The following UBE2D2 variants were observed in gnomAD, a reference collection of about 807,000 sequenced individuals.
UBE2D2 encodes ubiquitin-conjugating enzyme E2 D2.
Under a neutral mutation model 24.2 loss-of-function variants are expected in UBE2D2, and 2 were observed. The ratio of observed to expected loss-of-function variants is 0.08; its 90% CI spans 0.03 to 0.26. The LOEUF is 0.26. UBE2D2 is among the 10% of genes least tolerant of loss of function. The pLI is 1.00. For synonymous variants in UBE2D2, 58 were observed against 56.5 expected (o/e 1.03, Z -0.12); for missense variants, 44 against 177.6 (o/e 0.25, Z 4.28).
chr5:139,601,693 G>A (rs970913032), intron 2 of UBE2D2, among the ~76,000 whole-genome samples: 2 of 151,782 alleles, frequency 1.3e-5, no homozygotes, highest in African/African-American at 2.4e-5. Context: ...GGCGGATCAC[G>A]AGGTCAGAGT....
At chr5:139,580,677 C>T (rs1288650181) in intron 1 of UBE2D2, among the ~76,000 whole-genome samples, 3 of 152,002 alleles carry the variant, frequency 2.0e-5, no homozygotes, top group Non-Finnish European at 4.4e-5. Flanking sequence ...GATCTCCTGA[C>T]GTCATGATCC....
intron 1 of UBE2D2, among the ~76,000 whole-genome samples, chr5:139,586,673 G>T (rs1753732898): frequency 6.6e-6 from 1 of 152,092 alleles, no homozygotes. Flanking sequence ...GCTGAGGCAG[G>T]AGAATGGCAT....
chr5:139,565,347 A>C (rs1320122153), intron 1 of UBE2D2, among the ~76,000 whole-genome samples: 1 of 152,194 alleles, frequency 6.6e-6, no homozygotes. Flanking sequence ...CCTATACTAT[A>C]AGCAGAGCAT....
chr5:139,527,976 G>A (rs1452929516), intron 1 of UBE2D2, among the ~76,000 whole-genome samples: 1 of 152,220 alleles, frequency 6.6e-6, no homozygotes, highest in Non-Finnish European at 1.5e-5. Context: ...GGACTGCATG[G>A]TAGCTCTTTT....
At chr5:139,587,396 T>C (rs564740913) in intron 1 of UBE2D2, among the ~76,000 whole-genome samples, 3 of 152,146 alleles carry the variant, frequency 2.0e-5, no homozygotes, top group African/African-American at 7.2e-5. Flanking sequence ...ATAACAAACA[T>C]GGATGAGGCC....
At chr5:139,560,035 G>GTTT (rs1167994026), upstream of UBE2D2, among the ~76,000 whole-genome samples, 2 of 133,964 alleles carry the variant, frequency 1.5e-5, no homozygotes, top group Admixed American at 7.6e-5. Flanking sequence ...CACGAGGTTG[G>GTTT]TTTTTTTTTT....
intron 1 of UBE2D2, among the ~76,000 whole-genome samples, chr5:139,539,948 T>C (rs1474311158): frequency 1.3e-5 from 2 of 150,128 alleles, no homozygotes; most frequent in African/African-American, 2.5e-5. Context: ...AGACGGAGTT[T>C]CTTTCTTGTT....
intron 2 of UBE2D2, chr5:139,611,897 T>A (rs1420871737): frequency 6.6e-6 from 1 of 152,170 alleles, no homozygotes; most frequent in African/African-American, 2.4e-5. Context: ...AGTTACCTTT[T>A]GACCCCGTGG....
chr5:139,562,147 G>T lies in UBE2D2; in HGVS notation c.24+332G>T, dbSNP rs1266040591. ...TGTCGGGCCAGGATGGCGGGGTTGG[G>T]GCCGAGGGGGGCGCTGGGGCGTTGG... On this transcript the variant is annotated intron_variant, in intron 1 of 6. Coordinates refer to ENST00000398733, the MANE Select transcript of UBE2D2 (RefSeq NM_003339.3). 7.0e-6 allele frequency: 9 copies of T among 1,287,210 alleles called. No individual in the cohort carries two copies. The East Asian group carries it at 1.3e-4, about 18-fold the overall frequency. 79.7% of individuals were successfully genotyped at this position (1,287,210 alleles called of 1,614,324 possible). A position where few individuals can be genotyped will look rare whatever the true frequency, so the allele number is the denominator to read the frequency against.
intron 1 of UBE2D2, among the ~76,000 whole-genome samples, chr5:139,545,212 A>T (rs1752810213): frequency 6.6e-6 from 1 of 152,054 alleles, no homozygotes; most frequent in African/African-American, 2.4e-5. Context: ...AACTTTTCCC[A>T]ATTGATGGAT....
At chr5:139,609,771 G>GT (rs1015452041) in intron 2 of UBE2D2, among the ~76,000 whole-genome samples, 17 of 134,528 alleles carry the variant, frequency 1.3e-4, no homozygotes, top group Admixed American at 1.5e-4. Context: ...TTCTTTTTTT[G>GT]TTTTTTTGTT....
chr5:139,527,017 T>C (rs538089463), intron 1 of UBE2D2, among the ~76,000 whole-genome samples: 24 of 152,124 alleles, frequency 1.6e-4, no homozygotes, highest in African/African-American at 5.3e-4. Context: ...AAGAAAAAAA[T>C]ATGGGTCAGG....
At chr5:139,559,283 C>T (rs944756998), upstream of UBE2D2, among the ~76,000 whole-genome samples, 1 of 151,934 alleles carries the variant, frequency 6.6e-6, no homozygotes, top group Non-Finnish European at 1.5e-5. Flanking sequence ...AAAAATTACC[C>T]GGGCGTGCTT....
At chr5:139,545,094 A>G (rs1287625918) in intron 1 of UBE2D2, among the ~76,000 whole-genome samples, 1 of 152,022 alleles carries the variant, frequency 6.6e-6, no homozygotes, top group Non-Finnish European at 1.5e-5. Flanking sequence ...TCTTAACTCA[A>G]CAATGCTGTG....
intron 1 of UBE2D2, among the ~76,000 whole-genome samples, chr5:139,527,145 C>G (rs1752550618): frequency 6.6e-6 from 1 of 152,168 alleles, no homozygotes; most frequent in African/African-American, 2.4e-5. Flanking sequence ...AATAGACTGG[C>G]TAGCATTAGA....
At chr5:139,587,128 C>G (rs1446089456) in intron 1 of UBE2D2, among the ~76,000 whole-genome samples, 1 of 152,120 alleles carries the variant, frequency 6.6e-6, no homozygotes, top group Non-Finnish European at 1.5e-5. Flanking sequence ...TGTTATATCT[C>G]TATTAGAAGC....
intron 2 of UBE2D2, among the ~76,000 whole-genome samples, chr5:139,600,664 C>T (rs554770080): frequency 4.4e-4 from 67 of 152,172 alleles, no homozygotes; most frequent in Non-Finnish European, 7.9e-4. Flanking sequence ...TTCATCCCTT[C>T]TGGGTATTTT....
chr5:139,540,958 A>C (rs1407779373), intron 1 of UBE2D2, among the ~76,000 whole-genome samples: 2 of 151,090 alleles, frequency 1.3e-5, no homozygotes, highest in East Asian at 2.0e-4. Context: ...GTGCCACTGC[A>C]CTCCAGCCTG....
chr5:139,626,964 A>T lies in UBE2D2; in HGVS notation c.*163A>T. 1 of 590,358 alleles carries T rather than the reference A, an allele frequency of 1.7e-6. No individual in the cohort carries two copies. The highest frequency in any genetic ancestry group is 3.0e-6 in the Non-Finnish European group (1 of 336,430). 36.6% of individuals were successfully genotyped at this position (590,358 alleles called of 1,614,324 possible). A position where few individuals can be genotyped will look rare whatever the true frequency, so the allele number is the denominator to read the frequency against. On this transcript the variant is annotated 3_prime_UTR_variant, in exon 7 of 7. Transcript: ENST00000398733. ...AGTGCTGCGTGTTGTACATACTTGG[A>T]ACAACAAACTAGAAATACTGTACTT...
Sources: allele counts gnomAD v4.1 joint callset (sites outside exome capture counted in the v4.1 genomes callset), GRCh38; gene constraint gnomAD v4.1.1; transcripts MANE v1.5; gene names NCBI Gene and HGNC (gene_info 2026-07-23, HGNC 2026-07-21).